TOM1L2: variants seen among roughly 807,000 people sequenced by gnomAD.
The protein encoded by TOM1L2 is target of myb1 like 2 membrane trafficking protein.
In TOM1L2, 31 loss-of-function variants were observed where a neutral mutation model predicts 67.9. The observed-to-expected ratio is 0.46, with a 90% CI of 0.34 to 0.62. The LOEUF is 0.62. TOM1L2 is among the 20% of genes least tolerant of loss of function. The pLI is 0.01. For missense variants in TOM1L2, 606 were observed against 663.5 expected, an observed-to-expected ratio of 0.91 and a Z score of 0.95; for synonymous variants, 256 against 254.0, an observed-to-expected ratio of 1.01 and a Z score of -0.07.
chr17:17,925,657 C>T (rs1032799329), intron 1 of TOM1L2, among the ~76,000 whole-genome samples: 14 of 131,990 alleles, frequency 1.1e-4, no homozygotes, highest in Admixed American at 1.7e-4. Flanking sequence ...GCCTGGCCAA[C>T]ATAGCGACCT....
chr17:17,960,962 A>G (rs1489788753), intron 1 of TOM1L2, among the ~76,000 whole-genome samples: 1 of 152,236 alleles, frequency 6.6e-6, no homozygotes, highest in Admixed American at 6.5e-5. Context: ...ACTTTTGTGC[A>G]TTAAAGGACA....
At chr17:17,950,527 T>C (rs953374746) in intron 1 of TOM1L2, among the ~76,000 whole-genome samples, 2 of 152,076 alleles carry the variant, frequency 1.3e-5, no homozygotes, top group African/African-American at 4.8e-5. Context: ...CTCCTGGGCT[T>C]AAGTGGCATG....
At chr17:17,909,250 T>C (rs1463360579) in intron 1 of TOM1L2, among the ~76,000 whole-genome samples, 1 of 152,112 alleles carries the variant, frequency 6.6e-6, no homozygotes, top group African/African-American at 2.4e-5. Context: ...TACTTCTGAG[T>C]ATATACCCAA....
At position 17,874,983 on chromosome 17, in the gene TOM1L2, G is replaced by A. The variant is rs118179422; in HGVS notation, c.777+4644C>T. ...CTCAAAAAGGAAGAAAAGGCCATGC[G>A]TGGTGGCTCACACCTGTAATCTCAG... On this transcript the variant is annotated intron_variant, in intron 7 of 14. Coordinates refer to ENST00000379504, the MANE Select transcript of TOM1L2 (RefSeq NM_001082968.2). 7.2e-3 allele frequency among the ~76,000 whole-genome samples: 1,102 copies of A among 152,236 alleles called. 15 individuals carry two copies. Among genetic ancestry groups the A allele is most frequent in the East Asian group, 0.064 (334 of 5,180 alleles).
At chr17:17,885,887 T>C (rs1481710241) in intron 4 of TOM1L2, among the ~76,000 whole-genome samples, 1 of 128,634 alleles carries the variant, frequency 7.8e-6, no homozygotes, top group African/African-American at 3.0e-5. Flanking sequence ...ATGGCGCCAC[T>C]GCACTCCAGC....
At chr17:17,895,904 C>T (rs1025225055) in intron 3 of TOM1L2, among the ~76,000 whole-genome samples, 21 of 152,332 alleles carry the variant, frequency 1.4e-4, no homozygotes, top group African/African-American at 4.3e-4. Context: ...AGCTGGGACT[C>T]CCCATGCCAG....
chr17:17,883,015 C>G, intron 5 of TOM1L2, 152 bp from the exon 6 acceptor site: 1 of 860,626 alleles, frequency 1.2e-6, no homozygotes, highest in African/African-American at 1.7e-5. Context: ...TTCACAGAAC[C>G]CCACTGAGCC....
intron 1 of TOM1L2, among the ~76,000 whole-genome samples, chr17:17,912,367 G>A (rs1422972366): frequency 6.6e-6 from 1 of 152,076 alleles, no homozygotes; most frequent in African/African-American, 2.4e-5. Context: ...CTGCCGGGCG[G>A]AGAGGCTCCT....
chr17:17,885,793 C>T (rs1225535864), intron 4 of TOM1L2, among the ~76,000 whole-genome samples: 1 of 151,600 alleles, frequency 6.6e-6, no homozygotes, highest in Non-Finnish European at 1.5e-5. Flanking sequence ...GGCGTGGTGG[C>T]GGGTGCCTGT....
chr17:17,914,870 T>C (rs2039563290), intron 1 of TOM1L2, among the ~76,000 whole-genome samples: 1 of 152,180 alleles, frequency 6.6e-6, no homozygotes, highest in East Asian at 1.9e-4. Flanking sequence ...GGGATATATC[T>C]TTTTTAGGTA....
At chr17:17,882,669 A>G in intron 6 of TOM1L2, 36 bp downstream of exon 6, 5 of 1,605,604 alleles carry the variant, frequency 3.1e-6, no homozygotes, top group South Asian at 1.1e-5. Flanking sequence ...AAGGATAGTC[A>G]GCTGGCTTGC....
intron 13 of TOM1L2, 97 bp downstream of exon 13, chr17:17,850,796 G>A: frequency 7.6e-7 from 1 of 1,321,496 alleles, no homozygotes; most frequent in Non-Finnish European, 1.1e-6. Context: ...GACCCAGACA[G>A]GGGTGGAGCC....
chr17:17,944,083 G>C (rs1417887671), intron 1 of TOM1L2, among the ~76,000 whole-genome samples: 1 of 152,240 alleles, frequency 6.6e-6, no homozygotes, highest in Non-Finnish European at 1.5e-5. Context: ...GAGAAGGTGG[G>C]CTCTAGGGCA....
At chr17:17,923,640 T>C (rs1327385635) in intron 1 of TOM1L2, among the ~76,000 whole-genome samples, 1 of 151,344 alleles carries the variant, frequency 6.6e-6, no homozygotes, top group Non-Finnish European at 1.5e-5. Context: ...CAGTGAGTCG[T>C]GATCGCACCA....
At chr17:17,962,783 A>C (rs1472563462) in intron 1 of TOM1L2, among the ~76,000 whole-genome samples, 1 of 150,868 alleles carries the variant, frequency 6.6e-6, no homozygotes, top group Non-Finnish European at 1.5e-5. Flanking sequence ...ACATGGTGAA[A>C]CCCTATCTCT....
At chr17:17,947,488 C>G (rs1017036187) in intron 1 of TOM1L2, among the ~76,000 whole-genome samples, 16 of 152,186 alleles carry the variant, frequency 1.1e-4, no homozygotes, top group Non-Finnish European at 1.9e-4. Flanking sequence ...TCCAATCATG[C>G]ATGCACAGAG....
intron 1 of TOM1L2, among the ~76,000 whole-genome samples, chr17:17,952,548 C>T (rs943161077): frequency 6.6e-6 from 1 of 151,778 alleles, no homozygotes; most frequent in Non-Finnish European, 1.5e-5. Context: ...CGTGCTGCCA[C>T]GCCTGGCTAA....
At chr17:17,851,017 CG>C (rs1482715442) in intron 12 of TOM1L2, 65 bp from the exon 13 acceptor site, 1 of 1,569,482 alleles carries the variant, frequency 6.4e-7, no homozygotes, top group African/African-American at 1.3e-5. Flanking sequence ...GACAGAACAC[CG>C]GAACAAAGGA....
At chr17:17,941,655 T>C (rs1205324284) in intron 1 of TOM1L2, among the ~76,000 whole-genome samples, 3 of 152,144 alleles carry the variant, frequency 2.0e-5, no homozygotes, top group Non-Finnish European at 4.4e-5. Context: ...GGCAGTGAGT[T>C]GGTCAGGCCT....
Sources: allele counts gnomAD v4.1 joint callset (sites outside exome capture counted in the v4.1 genomes callset), GRCh38; gene constraint gnomAD v4.1.1; transcripts MANE v1.5; gene names NCBI Gene and HGNC (gene_info 2026-07-23, HGNC 2026-07-21).